The following CDH10 variants were observed in gnomAD, a reference collection of about 807,000 sequenced individuals.
The protein encoded by CDH10 is cadherin 10.
In CDH10, 30 loss-of-function variants were observed where a neutral mutation model predicts 73.1. The observed-to-expected ratio is 0.41, with a 90% CI of 0.31 to 0.56. CDH10 has a LOEUF of 0.56. Among genes scored for constraint, CDH10 ranks in the 20% least tolerant of loss-of-function variants. CDH10 has a pLI of 0.27. For synonymous variants in CDH10, 345 were observed against 348.2 expected (o/e 0.99, Z 0.10); for missense variants, 815 against 973.7 (o/e 0.84, Z 2.17).
intron 5 of CDH10, among the ~76,000 whole-genome samples, chr5:24,533,251 C>T (rs186380909): frequency 5.3e-5 from 8 of 151,742 alleles, no homozygotes; most frequent in Admixed American, 2.0e-4. Flanking sequence ...CACTTGAACC[C>T]GGGAGGTGGA....
chr5:24,617,911 GAATTGTAAGGA>G (rs1470846324), intron 1 of CDH10, among the ~76,000 whole-genome samples: 2 of 152,164 alleles, frequency 1.3e-5, no homozygotes, highest in African/African-American at 4.8e-5. Context: ...TACGGTTTTA[GAATTGTAAGGA>G]ATCTTAGCAA....
At chr5:24,642,286 G>A (rs552188029) in intron 1 of CDH10, among the ~76,000 whole-genome samples, 5 of 152,192 alleles carry the variant, frequency 3.3e-5, no homozygotes, top group South Asian at 2.1e-4. Context: ...CTGCAAAGTA[G>A]GTTAAGAGAC....
intron 4 of CDH10, 133 bp from the exon 5 acceptor site, chr5:24,535,412 A>C: frequency 1.2e-6 from 1 of 845,976 alleles, no homozygotes; most frequent in Non-Finnish European, 1.8e-6. Flanking sequence ...TTTATTGTCT[A>C]GAAATTATAA....
chr5:24,603,297 A>C (rs912127271), intron 1 of CDH10, among the ~76,000 whole-genome samples: 1 of 152,216 alleles, frequency 6.6e-6, no homozygotes, highest in Non-Finnish European at 1.5e-5. Flanking sequence ...TAGAATATAA[A>C]GAATAAAAAA....
chr5:24,551,760 C>T (rs1744554196), intron 2 of CDH10, among the ~76,000 whole-genome samples: 2 of 152,040 alleles, frequency 1.3e-5, no homozygotes. Flanking sequence ...CTGGTATGCC[C>T]ATCATCTGCT....
intron 5 of CDH10, 31 bp from the exon 6 acceptor site, chr5:24,511,545 CAGAGAGAGAGAGAGAGAGAGAGAGAGAG>C (rs55901211): frequency 2.3e-5 from 13 of 573,158 alleles, no homozygotes; most frequent in African/African-American, 2.2e-4. Context: ...AAGAGAGAGA[CAGAGAGAGAGAGAGAGAGAGAGAGAGAG>C]AGAGAGAGAG....
At chr5:24,491,482 G>A (rs1028492825) in intron 11 of CDH10, 94 bp downstream of exon 11, 2 of 987,526 alleles carry the variant, frequency 2.0e-6, no homozygotes, top group African/African-American at 3.3e-5. Flanking sequence ...TAAAATTTGG[G>A]GTGGTTTTGG....
chr5:24,582,877 A>G (rs75447771), intron 2 of CDH10, among the ~76,000 whole-genome samples: 1 of 152,198 alleles, frequency 6.6e-6, no homozygotes, highest in Non-Finnish European at 1.5e-5. Flanking sequence ...ACAGATGTGG[A>G]AAAATAGTTA....
At chr5:24,587,497 C>A (rs1746063481) in intron 2 of CDH10, among the ~76,000 whole-genome samples, 1 of 152,120 alleles carries the variant, frequency 6.6e-6, no homozygotes, top group Non-Finnish European at 1.5e-5. Flanking sequence ...ATTGCCATTA[C>A]ATATGTACTT....
At chr5:24,520,432 T>C (rs555345704) in intron 5 of CDH10, among the ~76,000 whole-genome samples, 25 of 152,300 alleles carry the variant, frequency 1.6e-4, no homozygotes, top group Admixed American at 1.0e-3. Context: ...GAGCTCAATA[T>C]ATTTTTTAAG....
intron 1 of CDH10, among the ~76,000 whole-genome samples, chr5:24,643,103 A>G (rs1232934858): frequency 2.0e-5 from 3 of 152,014 alleles, no homozygotes; most frequent in African/African-American, 7.2e-5. Context: ...TCTCTTCACC[A>G]CATCCCTCCC....
At chr5:24,550,957 C>T (rs1236766042) in intron 2 of CDH10, among the ~76,000 whole-genome samples, 1 of 152,152 alleles carries the variant, frequency 6.6e-6, no homozygotes, top group Non-Finnish European at 1.5e-5. Context: ...TCTATGGCTA[C>T]TCTCTACCCA....
In CDH10 at chr5:24,603,042, A is replaced by G. The variant is rs1193934886; in HGVS notation, c.-123-9429T>C. ...TACAGTGGCTTTGTCTGATAATGAA[A>G]CTCTAAAAACTAGAAGATTTCAATT... On this transcript the variant is annotated intron_variant, in intron 1 of 11. Transcript: ENST00000264463. Among the ~76,000 whole-genome samples the G allele has an allele frequency of 2.0e-5, 3 of 152,118 alleles. No individual in the cohort carries two copies. The East Asian group carries it at 5.8e-4, about 29-fold the overall frequency.
intron 5 of CDH10, among the ~76,000 whole-genome samples, chr5:24,522,167 AAAC>A (rs138495547): frequency 0.48 from 73,034 of 151,300 alleles, 17,660 homozygotes; most frequent in East Asian, 0.58. Context: ...ACAAACAAAC[AAAC>A]AAAAAAAACT....
intron 8 of CDH10, among the ~76,000 whole-genome samples, chr5:24,503,546 C>T (rs1742575245): frequency 6.6e-6 from 1 of 152,126 alleles, no homozygotes; most frequent in South Asian, 2.1e-4. Flanking sequence ...TTACAATAGG[C>T]CCCATGAATT....
chr5:24,531,565 G>A (rs1408202608), intron 5 of CDH10, among the ~76,000 whole-genome samples: 11 of 152,148 alleles, frequency 7.2e-5, no homozygotes, highest in East Asian at 5.8e-4. Flanking sequence ...GCAAAGTCAC[G>A]TCTTACATGG....
chr5:24,579,012 T>C (rs1294499533), intron 2 of CDH10, among the ~76,000 whole-genome samples: 1 of 152,040 alleles, frequency 6.6e-6, no homozygotes, highest in Non-Finnish European at 1.5e-5. Flanking sequence ...CTTCCAGATC[T>C]TCAAATTTGG....
rs576437373 is a variant in CDH10, at chr5:24,601,215, A to G, written c.-123-7602T>C. The stretch of plus-strand genomic sequence containing the variant: ...GTCAACCATGTCCTTAGCAGCAAAC[A>G]TATCATCATGGACTTTTGTATCCAG... On this transcript the variant is annotated intron_variant, in intron 1 of 11. Coordinates refer to ENST00000264463, the MANE Select transcript of CDH10 (RefSeq NM_006727.5). Among the ~76,000 whole-genome samples the G allele has an allele frequency of 4.4e-3, 674 of 152,246 alleles. 2 individuals are homozygous for G. Among genetic ancestry groups the G allele is most frequent in the South Asian group, 9.3e-3 (45 of 4,826 alleles).
intron 2 of CDH10, among the ~76,000 whole-genome samples, chr5:24,554,821 G>A (rs1230957103): frequency 1.3e-5 from 2 of 151,944 alleles, no homozygotes; most frequent in Non-Finnish European, 2.9e-5. Context: ...ATATCATCAA[G>A]TACCTTTAAT....
Sources: allele counts gnomAD v4.1 joint callset (sites outside exome capture counted in the v4.1 genomes callset), GRCh38; gene constraint gnomAD v4.1.1; transcripts MANE v1.5; gene names NCBI Gene and HGNC (gene_info 2026-07-23, HGNC 2026-07-21).